Variants in CNTN4 observed in about 807,000 individuals in gnomAD.
CNTN4 encodes contactin 4, also known as contactin-4.
Under a neutral mutation model 122.5 loss-of-function variants are expected in CNTN4, and 77 were observed. The ratio of observed to expected loss-of-function variants is 0.63; its 90% confidence interval spans 0.52 to 0.76. The LOEUF is 0.76. Among genes scored for constraint, CNTN4 ranks in the 30% least tolerant of loss-of-function variants. CNTN4 has a pLI of 0.00. For synonymous variants in CNTN4, 512 were observed against 447.0 expected, an observed-to-expected ratio of 1.15 and a Z score of -1.83; for missense variants, 1,256 against 1,259.1, an observed-to-expected ratio of 1.00 and a Z score of 0.04.
chr3:2,998,809 C>T (rs1467476883), intron 14 of CNTN4, among the ~76,000 whole-genome samples: 1 of 152,186 alleles, frequency 6.6e-6, no homozygotes, highest in Non-Finnish European at 1.5e-5. Context: ...TAGGCAAATA[C>T]TTTGATTCCC....
In CNTN4 at chr3:2,859,512, A is replaced by G. The variant is rs901374862; in HGVS notation, c.455-7240A>G. Among the ~76,000 whole-genome samples the G allele has an allele frequency of 4.0e-5, 6 of 149,832 alleles. No homozygotes were observed. The South Asian group carries it at 1.3e-3, about 32-fold the overall frequency. On this transcript the variant is annotated intron_variant, in intron 7 of 24. Coordinates refer to ENST00000418658, the MANE Select transcript of CNTN4 (RefSeq NM_175607.3). Reference sequence around the variant, plus strand: ...CTTCAGCCTCCACTCCAGTCTGAACATGCTAACAAAAAGGATGCTTTCCTG... The same window carrying G: ...CTTCAGCCTCCACTCCAGTCTGAACGTGCTAACAAAAAGGATGCTTTCCTG...
chr3:2,969,519 T>G (rs925323100), intron 13 of CNTN4, among the ~76,000 whole-genome samples: 9 of 151,358 alleles, frequency 5.9e-5, no homozygotes, highest in African/African-American at 9.7e-5. Context: ...AAATTGGGAT[T>G]ATTATTATTA....
At chr3:3,032,670 G>A (rs1044758301) in intron 16 of CNTN4, among the ~76,000 whole-genome samples, 2 of 152,146 alleles carry the variant, frequency 1.3e-5, no homozygotes, top group African/African-American at 4.8e-5. Context: ...TCTGAGGCCT[G>A]TTCTATTTAA....
chr3:2,421,722 C>T (rs1246617596), intron 3 of CNTN4, among the ~76,000 whole-genome samples: 1 of 152,128 alleles, frequency 6.6e-6, no homozygotes, highest in Non-Finnish European at 1.5e-5. Context: ...GGGCAAACAC[C>T]AAGACCATTT....
chr3:2,123,705 C>T (rs1029702651), intron 2 of CNTN4, among the ~76,000 whole-genome samples: 1 of 151,848 alleles, frequency 6.6e-6, no homozygotes, highest in African/African-American at 2.4e-5. Context: ...ATAGGGGATT[C>T]CTTTAGAAAT....
chr3:2,612,312 G>C (rs531377239), intron 4 of CNTN4, among the ~76,000 whole-genome samples: 1 of 152,024 alleles, frequency 6.6e-6, no homozygotes. Context: ...GCCTACATTG[G>C]TCAAAATCAT....
intron 2 of CNTN4, among the ~76,000 whole-genome samples, chr3:2,214,420 T>A (rs1208267248): frequency 1.7e-4 from 26 of 152,180 alleles, no homozygotes; most frequent in Admixed American, 1.7e-3. Context: ...TTTCCGTGTA[T>A]TTAATATTGA....
At chr3:2,862,252 A>G (rs2093678565) in intron 7 of CNTN4, among the ~76,000 whole-genome samples, 1 of 152,242 alleles carries the variant, frequency 6.6e-6, no homozygotes, top group Admixed American at 6.5e-5. Flanking sequence ...ACAATTAAAG[A>G]GCAACCATCC....
At chr3:2,791,668 T>C (rs2149977680) in intron 6 of CNTN4, among the ~76,000 whole-genome samples, 1 of 152,324 alleles carries the variant, frequency 6.6e-6, no homozygotes, top group South Asian at 2.1e-4. Context: ...TTGACCTACA[T>C]TTGGTGACTT....
At chr3:2,234,370 C>CAAAAAAAAAAAAAA (rs72401999) in intron 2 of CNTN4, among the ~76,000 whole-genome samples, 3 of 94,744 alleles carry the variant, frequency 3.2e-5, no homozygotes, top group Admixed American at 2.6e-4. Context: ...AAGTCCATCT[C>CAAAAAAAAAAAAAA]AAAAAAAAAA....
intron 3 of CNTN4, among the ~76,000 whole-genome samples, chr3:2,382,539 C>T (rs1292505038): frequency 6.6e-6 from 1 of 152,154 alleles, no homozygotes; most frequent in Non-Finnish European, 1.5e-5. Context: ...TAAACAGGAA[C>T]ACTTTCTAAA....
At chr3:3,015,434 G>T (rs1172842333) in intron 14 of CNTN4, among the ~76,000 whole-genome samples, 1 of 152,130 alleles carries the variant, frequency 6.6e-6, no homozygotes. Context: ...TAAAGAGAGG[G>T]TAGCTAATAT....
Position 2,937,426 on chromosome 3 carries a change from C to T in CNTN4, c.1358+11647C>T, listed in dbSNP as rs537832102. On this transcript the variant is annotated intron_variant, in intron 13 of 24. Transcript: ENST00000418658. The stretch of plus-strand genomic sequence containing the variant: ...GTGGAGAGAAAAGTAGATACCTGGT[C>T]ATCTTCCCCATATTTCTGAACAACC... 2.0e-5 allele frequency among the ~76,000 whole-genome samples: 3 copies of T among 152,258 alleles called. No homozygotes were observed. The South Asian group carries it at 6.2e-4, about 32-fold the overall frequency.
At chr3:2,206,577 A>T (rs112492727) in intron 2 of CNTN4, among the ~76,000 whole-genome samples, 1 of 152,126 alleles carries the variant, frequency 6.6e-6, no homozygotes. Flanking sequence ...TAAGACAGTG[A>T]TACCAGGAAT....
At position 2,812,404 on chromosome 3, in the gene CNTN4, A is replaced by AT. The variant is rs11458485; in HGVS notation, c.359-7082_359-7081insT. 7.2e-5 allele frequency among the ~76,000 whole-genome samples: 11 copies of AT among 152,086 alleles called. No individual in the cohort carries two copies. In the South Asian group the frequency reaches 1.9e-3, roughly 26 times the overall value. ...GAAGAATTATCTGAATCCAGGGTAT[A>AT]GTGCGTATATCTTAAATATAAGTGT... On this transcript the variant is annotated intron_variant, in intron 6 of 24. Coordinates refer to ENST00000418658, the MANE Select transcript of CNTN4 (RefSeq NM_175607.3).
chr3:2,804,910 C>T (rs965045966), intron 6 of CNTN4, among the ~76,000 whole-genome samples: 7 of 152,158 alleles, frequency 4.6e-5, no homozygotes, highest in Non-Finnish European at 7.3e-5. Flanking sequence ...CGTGGTGGCT[C>T]ACGCCTGTAA....
intron 3 of CNTN4, among the ~76,000 whole-genome samples, chr3:2,420,875 G>T (rs1445104176): frequency 6.6e-6 from 1 of 152,136 alleles, no homozygotes; most frequent in Non-Finnish European, 1.5e-5. Flanking sequence ...AAATGGCATA[G>T]CACTGCTTAC....
chr3:3,009,644 A>G (rs1012711202), intron 14 of CNTN4, among the ~76,000 whole-genome samples: 8 of 152,036 alleles, frequency 5.3e-5, no homozygotes, highest in Non-Finnish European at 4.4e-5. Flanking sequence ...CGTGTTAGCC[A>G]GGATGGTCTC....
chr3:2,687,858 G>T (rs1230052905), intron 4 of CNTN4, among the ~76,000 whole-genome samples: 1 of 152,126 alleles, frequency 6.6e-6, no homozygotes, highest in Non-Finnish European at 1.5e-5. Flanking sequence ...CAAATGGAGA[G>T]AATGAAACTC....
Sources: gnomAD v4.1 joint callset for allele counts (sites outside exome capture counted in the v4.1 genomes callset) on GRCh38, gnomAD v4.1.1 for gene constraint, MANE v1.5 for transcripts, NCBI Gene and HGNC (gene_info 2026-07-23, HGNC 2026-07-21) for gene names.